The following NUBPL variants were observed in gnomAD, a reference collection of about 807,000 sequenced individuals.
NUBPL encodes the protein iron-sulfur cluster transfer protein NUBPL.
NUBPL carries 31 observed loss-of-function variants against 45.7 expected under a neutral mutation model. The ratio of observed to expected loss-of-function variants is 0.68; its 90% confidence interval spans 0.51 to 0.92. The LOEUF is 0.92. Among genes scored for constraint, NUBPL ranks in the 40% least tolerant of loss-of-function variants. The pLI is 0.00. For missense variants in NUBPL, 401 were observed against 398.7 expected (o/e 1.01, Z -0.05); for synonymous variants, 144 against 140.9 (o/e 1.02, Z -0.15).
At chr14:31,781,133 A>G (rs1318548703) in intron 6 of NUBPL, among the ~76,000 whole-genome samples, 2 of 152,226 alleles carry the variant, frequency 1.3e-5, no homozygotes, top group Admixed American at 1.3e-4. Context: ...AAAAAGTTCA[A>G]AGTACTTCCT....
intron 4 of NUBPL, among the ~76,000 whole-genome samples, chr14:31,622,029 A>G (rs1216151834): frequency 6.6e-6 from 1 of 152,156 alleles, no homozygotes; most frequent in Non-Finnish European, 1.5e-5. Context: ...TGCACAATGA[A>G]GTTTAGGCTG....
intron 7 of NUBPL, among the ~76,000 whole-genome samples, chr14:31,798,074 C>G (rs1387938348): frequency 6.7e-6 from 1 of 149,112 alleles, no homozygotes. Flanking sequence ...CCACTCTCTT[C>G]TGGCTTGTAG....
At chr14:31,641,491 A>G (rs1415255956) in intron 4 of NUBPL, among the ~76,000 whole-genome samples, 2 of 152,136 alleles carry the variant, frequency 1.3e-5, no homozygotes, top group East Asian at 1.9e-4. Flanking sequence ...CACTCATGTT[A>G]TTGAACATGA....
At chr14:31,755,095 T>G (rs1447622019) in intron 6 of NUBPL, among the ~76,000 whole-genome samples, 1 of 152,016 alleles carries the variant, frequency 6.6e-6, no homozygotes, top group Non-Finnish European at 1.5e-5. Flanking sequence ...ATCCAGTCTA[T>G]CATTGTTGGA....
chr14:31,853,680 C>G (rs1459436863), intron 10 of NUBPL, among the ~76,000 whole-genome samples: 1 of 152,060 alleles, frequency 6.6e-6, no homozygotes, highest in Non-Finnish European at 1.5e-5. Context: ...CTGTTAGTAC[C>G]AATTAAAAAG....
chr14:31,723,554 T>C (rs148449828), intron 6 of NUBPL, among the ~76,000 whole-genome samples: 4 of 152,326 alleles, frequency 2.6e-5, no homozygotes, highest in East Asian at 3.9e-4. Context: ...TTAAATGATA[T>C]TGATTCTTCC....
chr14:31,764,369 C>G (rs1457785167), intron 6 of NUBPL, among the ~76,000 whole-genome samples: 1 of 152,148 alleles, frequency 6.6e-6, no homozygotes, highest in Non-Finnish European at 1.5e-5. Context: ...ATTCCTATCT[C>G]CACTTCATGA....
At chr14:31,784,767 A>T (rs1430425) in intron 6 of NUBPL, among the ~76,000 whole-genome samples, 61,795 of 152,010 alleles carry the variant, frequency 0.41, 14,207 homozygotes, top group East Asian at 0.61. Flanking sequence ...CATTATGTCA[A>T]TATCAAGTAC....
chr14:31,857,452 T>C (rs1026563462), intron 10 of NUBPL, among the ~76,000 whole-genome samples: 1 of 152,236 alleles, frequency 6.6e-6, no homozygotes, highest in Non-Finnish European at 1.5e-5. Context: ...TAGTTACTTA[T>C]ACAAATTTCT....
In NUBPL at chr14:31,599,589, C is replaced by G. The variant is rs1000329386; in HGVS notation, c.382+210C>G. Among the ~76,000 whole-genome samples the G allele has an allele frequency of 8.5e-5, 13 of 152,170 alleles. 1 individual carries two copies. The highest frequency in any genetic ancestry group is 8.5e-4 in the Admixed American group (13 of 15,282). On this transcript the variant is annotated intron_variant, in intron 4 of 10. Transcript: ENST00000281081. Reference sequence around the variant, plus strand: ...AGAGTTAAGTTCCTATGGCATATTTCTGGTCACAAAAACTTCACCAAACTT... The same window carrying G: ...AGAGTTAAGTTCCTATGGCATATTTGTGGTCACAAAAACTTCACCAAACTT...
In NUBPL at chr14:31,804,759, C is replaced by T. The variant is rs190383703; in HGVS notation, c.607+16886C>T. Reference sequence around the variant, plus strand: ...AGCAGAAGATTGAAGCTGGAACCCTCCCTTACACCATATACAAAAATCAAC... The same window carrying T: ...AGCAGAAGATTGAAGCTGGAACCCTTCCTTACACCATATACAAAAATCAAC... On this transcript the variant is annotated intron_variant, in intron 7 of 10. Coordinates refer to ENST00000281081, the MANE Select transcript of NUBPL (RefSeq NM_025152.3). Among the ~76,000 whole-genome samples, 16 of 152,156 alleles carry T rather than the reference C, an allele frequency of 1.1e-4. No individual in the cohort carries two copies. In the East Asian group the frequency reaches 1.9e-3, roughly 18 times the overall value.
At chr14:31,647,291 G>A (rs1034000963) in intron 4 of NUBPL, among the ~76,000 whole-genome samples, 2 of 152,178 alleles carry the variant, frequency 1.3e-5, no homozygotes, top group African/African-American at 4.8e-5. Context: ...TTGCAATGAA[G>A]GATTAGTTAT....
chr14:31,785,873 T>A (rs1052288976), intron 6 of NUBPL, among the ~76,000 whole-genome samples: 3 of 152,132 alleles, frequency 2.0e-5, no homozygotes, highest in African/African-American at 7.2e-5. Context: ...AAAGTATGAT[T>A]ATAGGCCAGG....
chr14:31,720,869 T>C (rs372455501), intron 6 of NUBPL, among the ~76,000 whole-genome samples: 35 of 152,326 alleles, frequency 2.3e-4, no homozygotes, highest in African/African-American at 7.9e-4. Context: ...TGCTATAAAG[T>C]CTTTTATCAA....
intron 7 of NUBPL, among the ~76,000 whole-genome samples, chr14:31,789,899 T>G (rs1450251200): frequency 6.6e-6 from 1 of 151,452 alleles, no homozygotes; most frequent in Non-Finnish European, 1.5e-5. Context: ...CATACTGTGA[T>G]TTTTCTTTTT....
chr14:31,687,470 CAA>C (rs972307076), intron 6 of NUBPL, among the ~76,000 whole-genome samples: 15 of 152,124 alleles, frequency 9.9e-5, no homozygotes, highest in African/African-American at 3.6e-4. Flanking sequence ...CATTAGCAGT[CAA>C]GAGAAATGTA....
intron 4 of NUBPL, among the ~76,000 whole-genome samples, chr14:31,642,051 G>A (rs925504417): frequency 6.6e-6 from 1 of 152,108 alleles, no homozygotes; most frequent in Non-Finnish European, 1.5e-5. Context: ...CTATTGAGTT[G>A]TTTGAACTCC....
At chr14:31,745,567 T>TCCGGCCTGTCCTGG (rs2038381010) in intron 6 of NUBPL, among the ~76,000 whole-genome samples, 3 of 152,042 alleles carry the variant, frequency 2.0e-5, no homozygotes, top group African/African-American at 7.3e-5. Context: ...GTGCTGGTGT[T>TCCGGCCTGTCCTGG]GATTTCTTTT....
chr14:31,647,399 C>T (rs2035884869), intron 4 of NUBPL, among the ~76,000 whole-genome samples: 1 of 152,144 alleles, frequency 6.6e-6, no homozygotes, highest in Non-Finnish European at 1.5e-5. Context: ...TGTTAGGTTG[C>T]TGCCCCCTTT....
Sources: gnomAD v4.1 joint callset for allele counts (sites outside exome capture counted in the v4.1 genomes callset) on GRCh38, gnomAD v4.1.1 for gene constraint, MANE v1.5 for transcripts, NCBI Gene and HGNC (gene_info 2026-07-23, HGNC 2026-07-21) for gene names.